Variants in NREP observed in about 807,000 individuals in gnomAD.
NREP encodes the protein neuronal regeneration related protein, also known as neuronal regeneration-related protein.
A neutral mutation model predicts 8.6 loss-of-function variants in NREP; 5 were observed. The ratio of observed to expected loss-of-function variants is 0.58; its 90% confidence interval spans 0.30 to 1.22. The LOEUF (loss-of-function observed/expected upper bound fraction) is 1.22, where lower values mean the gene tolerates loss of function less well. Ranked by LOEUF, NREP falls within the 50% of genes most tolerant of loss-of-function variation. The pLI is 0.07. For synonymous variants in NREP, 27 were observed against 28.0 expected (o/e 0.96, Z 0.11); for missense variants, 86 against 82.5 (o/e 1.04, Z -0.17).
chr5:111,917,577 T>C (rs113906001), intron 2 of NREP, among the ~76,000 whole-genome samples: 9,684 of 152,102 alleles, frequency 0.064, 717 homozygotes, highest in East Asian at 0.23. Flanking sequence ...ATAAATGTAA[T>C]CCATCACATA....
chr5:111,753,391 T>C (rs1045486878), intron 2 of NREP, among the ~76,000 whole-genome samples: 1 of 147,648 alleles, frequency 6.8e-6, no homozygotes, highest in Non-Finnish European at 1.5e-5. Context: ...ATAGATTATA[T>C]ATATATTTTA....
At chr5:111,900,764 T>TA (rs58169113) in intron 2 of NREP, among the ~76,000 whole-genome samples, 1,971 of 152,022 alleles carry the variant, frequency 0.013, 30 homozygotes, top group South Asian at 0.035. Flanking sequence ...GAAACAGTAA[T>TA]AAAAAAAGTC....
At chr5:111,824,873 A>G (rs1327336380) in intron 2 of NREP, among the ~76,000 whole-genome samples, 2 of 152,226 alleles carry the variant, frequency 1.3e-5, no homozygotes, top group African/African-American at 4.8e-5. Context: ...TAAATAAATT[A>G]TGTGAAGCAA....
intron 2 of NREP, among the ~76,000 whole-genome samples, chr5:111,973,578 T>C (rs1472046073): frequency 6.6e-6 from 1 of 152,158 alleles, no homozygotes; most frequent in African/African-American, 2.4e-5. Flanking sequence ...GACCCAAACT[T>C]TTCTGAAATT....
At chr5:111,755,744 A>C in intron 2 of NREP, 26 bp downstream of exon 2, 1 of 1,612,344 alleles carries the variant, frequency 6.2e-7, no homozygotes, top group Non-Finnish European at 8.5e-7. Flanking sequence ...AAGTACTGAG[A>C]ATCTCCTCTG....
Position 111,886,817 on chromosome 5 carries a change from T to A in NREP, c.135+88457A>T, listed in dbSNP as rs533797528. Among the ~76,000 whole-genome samples, 626 of 149,538 alleles carry A rather than the reference T, an allele frequency of 4.2e-3. 3 individuals carry two copies. The highest frequency in any genetic ancestry group is 0.013 in the African/African-American group (513 of 40,478). On this transcript the variant is annotated intron_variant, in intron 2 of 3. Coordinates refer to the NREP transcript ENST00000395634. ...AAGGGGAACATCACACTCTGGGGAC[T>A]GTTGTGGGGTTGGGGGACGGGGGAG...
intron 2 of NREP, among the ~76,000 whole-genome samples, chr5:111,926,870 T>C (rs1034071864): frequency 1.3e-5 from 2 of 151,334 alleles, no homozygotes; most frequent in African/African-American, 4.8e-5. Context: ...AGTGTGACTA[T>C]TTCTGCCTGA....
intron 2 of NREP, among the ~76,000 whole-genome samples, chr5:111,872,633 G>T (rs1347100483): frequency 6.6e-6 from 1 of 152,112 alleles, no homozygotes; most frequent in Non-Finnish European, 1.5e-5. Flanking sequence ...CTGCTTGAGT[G>T]AACGTTTTGT....
At chr5:111,840,346 T>C (rs1752999822) in intron 2 of NREP, among the ~76,000 whole-genome samples, 1 of 152,120 alleles carries the variant, frequency 6.6e-6, no homozygotes, top group African/African-American at 2.4e-5. Context: ...GCTGTCTCTC[T>C]TCTTCATTCT....
At chr5:111,869,218 G>T (rs1159892757) in intron 2 of NREP, among the ~76,000 whole-genome samples, 1 of 152,196 alleles carries the variant, frequency 6.6e-6, no homozygotes, top group African/African-American at 2.4e-5. Context: ...TTGAGGAGAA[G>T]TATATATTGC....
At chr5:111,759,884 C>T (rs1026288838), upstream of NREP, among the ~76,000 whole-genome samples, 1 of 152,166 alleles carries the variant, frequency 6.6e-6, no homozygotes, top group Non-Finnish European at 1.5e-5. Context: ...ATCATGGTAT[C>T]CCCTGCTCCA....
chr5:111,969,996 C>G (rs968445751), intron 2 of NREP, among the ~76,000 whole-genome samples: 6 of 152,146 alleles, frequency 3.9e-5, no homozygotes, highest in Admixed American at 6.5e-5. Flanking sequence ...TCATTTGGTA[C>G]AAAATCTAAT....
At chr5:111,765,050 T>A (rs1164579736) in intron 2 of NREP, among the ~76,000 whole-genome samples, 1 of 152,196 alleles carries the variant, frequency 6.6e-6, no homozygotes, top group African/African-American at 2.4e-5. Flanking sequence ...TTGGACTGTC[T>A]AAATCAGCAT....
chr5:111,735,506 A>G lies in NREP; in HGVS notation c.5T>C (p.Val2Ala). Residue 2 changes from valine to alanine, a missense_variant and splice_region_variant, in exon 3 of 4, where the codon GTT (valine) becomes GCT (alanine). Val to Ala is a moderately conservative substitution (Grantham distance 64). Transcript: ENST00000257435. The part of the protein sequence containing the change: M[V>A]YYPELFVWVS... Reference sequence around the variant, plus strand: ...CCAGACAAAGAGTTCTGGGTAATAAACCTATAGAGACACAAAAGCATACAC... The same window carrying G: ...CCAGACAAAGAGTTCTGGGTAATAAGCCTATAGAGACACAAAAGCATACAC... The G allele has an allele frequency of 6.2e-7, 1 of 1,607,984 alleles. No individual in the cohort carries two copies. Among genetic ancestry groups the G allele is most frequent in the Middle Eastern group, 1.7e-4 (1 of 6,042 alleles).
At chr5:111,956,527 C>A (rs974637890) in intron 2 of NREP, among the ~76,000 whole-genome samples, 1 of 150,846 alleles carries the variant, frequency 6.6e-6, no homozygotes, top group African/African-American at 2.4e-5. Flanking sequence ...AATCAAGTGA[C>A]ATGAAGAATA....
In NREP at chr5:111,770,023, G is replaced by A. The variant is rs184337596; in HGVS notation, c.136-34516C>T. 1.4e-3 allele frequency among the ~76,000 whole-genome samples: 210 copies of A among 152,300 alleles called. 1 individual carries two copies. Among genetic ancestry groups the A allele is most frequent in the African/African-American group, 4.8e-3 (200 of 41,578 alleles). Reference sequence around the variant, plus strand: ...AAGATGTTCAAGAGATAGGGAGGCCGTGATTGAGATAATGTGACTGGACTA... The same window carrying A: ...AAGATGTTCAAGAGATAGGGAGGCCATGATTGAGATAATGTGACTGGACTA... On this transcript the variant is annotated intron_variant, in intron 2 of 3. Coordinates refer to the NREP transcript ENST00000395634.
chr5:111,877,651 C>T (rs1753942763), intron 2 of NREP, among the ~76,000 whole-genome samples: 1 of 152,206 alleles, frequency 6.6e-6, no homozygotes, highest in Non-Finnish European at 1.5e-5. Flanking sequence ...AAAGAAGCAA[C>T]TGGACATGAG....
chr5:111,838,258 C>T (rs999932187), intron 2 of NREP, among the ~76,000 whole-genome samples: 8 of 152,052 alleles, frequency 5.3e-5, no homozygotes, highest in Admixed American at 2.0e-4. Flanking sequence ...CTTGTGCTTA[C>T]GCACACCTCA....
chr5:111,769,108 T>C (rs532617921), intron 2 of NREP, among the ~76,000 whole-genome samples: 3 of 152,372 alleles, frequency 2.0e-5, no homozygotes, highest in Non-Finnish European at 2.9e-5. Flanking sequence ...ATTTCTTTGA[T>C]GTTAATCCTA....
Sources: gnomAD v4.1 joint callset for allele counts (sites outside exome capture counted in the v4.1 genomes callset) on GRCh38, gnomAD v4.1.1 for gene constraint, MANE v1.5 for transcripts, NCBI Gene and HGNC (gene_info 2026-07-23, HGNC 2026-07-21) for gene names.